The following GRIA1 variants were observed in gnomAD, a reference collection of about 807,000 sequenced individuals.
GRIA1 encodes the protein glutamate ionotropic receptor AMPA type subunit 1, also known as glutamate receptor 1.
GRIA1 carries 31 observed loss-of-function variants against 99.2 expected under a neutral mutation model. That is an observed-to-expected ratio of 0.31 (90% CI 0.23 to 0.42). The LOEUF is 0.42. Among genes scored for constraint, GRIA1 ranks in the 10% least tolerant of loss-of-function variants. The probability of loss-of-function intolerance (pLI) is 1.00; values close to 1 mark genes in which losing one functional copy is unlikely to be tolerated. For missense variants in GRIA1, 782 were observed against 1,157.5 expected (o/e 0.68, Z 4.71); for synonymous variants, 438 against 432.4 (o/e 1.01, Z -0.16).
intron 2 of GRIA1, among the ~76,000 whole-genome samples, chr5:153,580,099 C>T (rs1387187111): frequency 6.6e-6 from 1 of 152,208 alleles, no homozygotes. Flanking sequence ...TGCTTCAGCT[C>T]TCTGTCTTTT....
intron 2 of GRIA1, among the ~76,000 whole-genome samples, chr5:153,600,347 G>A (rs962197629): frequency 1.4e-5 from 2 of 139,522 alleles, no homozygotes; most frequent in Non-Finnish European, 1.5e-5. Context: ...AGCCGAGATC[G>A]CGCCGCTGCA....
intron 2 of GRIA1, among the ~76,000 whole-genome samples, chr5:153,537,305 C>G (rs1361871488): frequency 6.6e-6 from 1 of 152,206 alleles, no homozygotes; most frequent in Admixed American, 6.5e-5. Flanking sequence ...AGCCTGGAGA[C>G]CAGACCCTGC....
chr5:153,611,556 C>A (rs1289658875), intron 2 of GRIA1, among the ~76,000 whole-genome samples: 1 of 152,190 alleles, frequency 6.6e-6, no homozygotes, highest in Non-Finnish European at 1.5e-5. Context: ...TCCATCATTG[C>A]TTTGTTTTGA....
intron 11 of GRIA1, chr5:153,755,314 G>A (rs1213768995): frequency 4.6e-5 from 7 of 152,344 alleles, no homozygotes; most frequent in African/African-American, 1.7e-4. Context: ...TGGGCAGTAG[G>A]GGCATAGAGG....
At chr5:153,653,609 CA>C (rs1249117686) in intron 4 of GRIA1, among the ~76,000 whole-genome samples, 1 of 152,060 alleles carries the variant, frequency 6.6e-6, no homozygotes, top group Non-Finnish European at 1.5e-5. Flanking sequence ...TGAGGTTATC[CA>C]TCACATCCCC....
intron 2 of GRIA1, among the ~76,000 whole-genome samples, chr5:153,510,053 C>T (rs1277013059): frequency 1.3e-5 from 2 of 152,152 alleles, no homozygotes; most frequent in African/African-American, 2.4e-5. Context: ...AGCCACTTTG[C>T]TACTTGTTTC....
chr5:153,677,911 A>G (rs975516293), intron 7 of GRIA1, among the ~76,000 whole-genome samples: 7 of 152,116 alleles, frequency 4.6e-5, no homozygotes, highest in African/African-American at 1.7e-4. Flanking sequence ...CCTCAAGCCC[A>G]GGCTATGATT....
chr5:153,716,847 C>T (rs995626499), intron 11 of GRIA1, among the ~76,000 whole-genome samples: 4 of 152,130 alleles, frequency 2.6e-5, no homozygotes, highest in African/African-American at 9.7e-5. Flanking sequence ...ATCTATTTAT[C>T]CTATGGGTAA....
At chr5:153,561,269 C>A (rs1330375322) in intron 2 of GRIA1, among the ~76,000 whole-genome samples, 1 of 152,180 alleles carries the variant, frequency 6.6e-6, no homozygotes, top group African/African-American at 2.4e-5. Context: ...GAATCTGATT[C>A]TCTGATTCCG....
chr5:153,528,051 C>T (rs901601041), intron 2 of GRIA1, among the ~76,000 whole-genome samples: 1 of 152,104 alleles, frequency 6.6e-6, no homozygotes, highest in African/African-American at 2.4e-5. Context: ...TTTGTTGTAA[C>T]CATGAAACTG....
chr5:153,613,584 T>C (rs1766196470), intron 2 of GRIA1, among the ~76,000 whole-genome samples: 1 of 152,130 alleles, frequency 6.6e-6, no homozygotes, highest in South Asian at 2.1e-4. Flanking sequence ...CTTCTTTTTT[T>C]CCCTCTCTTC....
chr5:153,575,295 T>C (rs1254249246), intron 2 of GRIA1, among the ~76,000 whole-genome samples: 1 of 152,098 alleles, frequency 6.6e-6, no homozygotes, highest in Non-Finnish European at 1.5e-5. Flanking sequence ...ATAATGTCCA[T>C]TGCCTACCTG....
chr5:153,518,540 G>A (rs1232942127), intron 2 of GRIA1, among the ~76,000 whole-genome samples: 1 of 152,068 alleles, frequency 6.6e-6, no homozygotes, highest in South Asian at 2.1e-4. Context: ...GCCTAATGAG[G>A]GAAACTGAGA....
chr5:153,677,735 A>T (rs1253912023), intron 7 of GRIA1, among the ~76,000 whole-genome samples: 1 of 152,252 alleles, frequency 6.6e-6, no homozygotes, highest in Non-Finnish European at 1.5e-5. Flanking sequence ...CTGAATCCAG[A>T]TACAACAGAG....
chr5:153,553,317 A>G (rs144545758), intron 2 of GRIA1, among the ~76,000 whole-genome samples: 26 of 152,236 alleles, frequency 1.7e-4, no homozygotes, highest in African/African-American at 6.0e-4. Context: ...CTCAAAAGAA[A>G]GAATTCGAAT....
At chr5:153,529,390 T>C (rs947689689) in intron 2 of GRIA1, among the ~76,000 whole-genome samples, 1 of 152,202 alleles carries the variant, frequency 6.6e-6, no homozygotes, top group Non-Finnish European at 1.5e-5. Flanking sequence ...CAGAACACAC[T>C]GTAACCTCTG....
intron 2 of GRIA1, among the ~76,000 whole-genome samples, chr5:153,588,153 T>C (rs778815): frequency 0.97 from 147,751 of 152,312 alleles, 71,710 homozygotes; most frequent in Non-Finnish European, 0.99. Context: ...AGAACACAGG[T>C]AGAGAATGAT....
intron 2 of GRIA1, among the ~76,000 whole-genome samples, chr5:153,563,763 C>A (rs1439744986): frequency 6.6e-6 from 1 of 152,198 alleles, no homozygotes; most frequent in Non-Finnish European, 1.5e-5. Context: ...TCTGTCCTTT[C>A]TCTTCCCCTT....
chr5:153,697,706 A>G (rs1032354221), intron 8 of GRIA1, among the ~76,000 whole-genome samples: 5 of 152,254 alleles, frequency 3.3e-5, no homozygotes, highest in African/African-American at 1.2e-4. Context: ...GAGGGGTTTG[A>G]CCCTGTGAAC....
Sources: gnomAD v4.1 joint callset for allele counts (sites outside exome capture counted in the v4.1 genomes callset) on GRCh38, gnomAD v4.1.1 for gene constraint, MANE v1.5 for transcripts, NCBI Gene and HGNC (gene_info 2026-07-23, HGNC 2026-07-21) for gene names.